Variants in RP1 observed in about 807,000 individuals in gnomAD.
RP1 encodes the protein RP1 axonemal microtubule associated.
Under a neutral mutation model 14.8 loss-of-function variants are expected in RP1, and 16 were observed. That is an observed-to-expected ratio of 1.08 (90% confidence interval 0.73 to 1.65). The LOEUF is 1.65. Ranked by LOEUF, RP1 falls within the 40% of genes most tolerant of loss-of-function variation. The pLI is 0.00. For synonymous variants in RP1, 876 were observed against 883.6 expected (o/e 0.99, Z 0.15); for missense variants, 2,631 against 2,535.0 (o/e 1.04, Z -0.81).
At chr8:54,606,769 C>T (rs939902914) in intron 1 of RP1, among the ~76,000 whole-genome samples, 1 of 152,120 alleles carries the variant, frequency 6.6e-6, no homozygotes, top group African/African-American at 2.4e-5. Flanking sequence ...CTCTAAACTT[C>T]TCTTCTCACT....
At chr8:54,647,175 AG>A (rs1459957465) in intron 3 of RP1, among the ~76,000 whole-genome samples, 2 of 152,050 alleles carry the variant, frequency 1.3e-5, no homozygotes, top group Non-Finnish European at 2.9e-5. Context: ...TAGCACTTTG[AG>A]GGGCCAAGGT....
chr8:54,859,419 G>A (rs1056839885), intron 27 of RP1, among the ~76,000 whole-genome samples: 1 of 151,234 alleles, frequency 6.6e-6, no homozygotes, highest in Non-Finnish European at 1.5e-5. Flanking sequence ...TCAGTGCAGG[G>A]TGGTGTCACT....
In RP1 at chr8:54,812,782, T is replaced by TATCTATC. The variant is rs1554535896; in HGVS notation, c.3616-24667_3616-24661dup. 6.6e-5 allele frequency among the ~76,000 whole-genome samples: 10 copies of TATCTATC among 150,566 alleles called. No individual in the cohort carries two copies. In the South Asian group the frequency reaches 1.0e-3, roughly 16 times the overall value. On this transcript the variant is annotated intron_variant, in intron 24 of 28. Transcript: ENST00000637698. The stretch of plus-strand genomic sequence containing the variant: ...TCTATCATCTATCTATCTATCTATC[T>TATCTATC]ATCTATCTATCTATCTATCTATCTA...
chr8:54,729,302 A>T (rs1808735800), intron 17 of RP1, among the ~76,000 whole-genome samples: 1 of 152,178 alleles, frequency 6.6e-6, no homozygotes, highest in Non-Finnish European at 1.5e-5. Flanking sequence ...CCAGTCCATC[A>T]TCTGTTTGTG....
chr8:54,783,865 G>A (rs1015714972), intron 24 of RP1, among the ~76,000 whole-genome samples: 1 of 152,034 alleles, frequency 6.6e-6, no homozygotes, highest in Non-Finnish European at 1.5e-5. Context: ...ATGGGAGCTG[G>A]GAAACAGTAA....
chr8:54,869,217 T>A (rs935775650), intron 28 of RP1, among the ~76,000 whole-genome samples: 1 of 152,182 alleles, frequency 6.6e-6, no homozygotes, highest in African/African-American at 2.4e-5. Flanking sequence ...ACTCTAGAAC[T>A]GTACTGTCTC....
chr8:54,672,191 T>A (rs1371890133), intron 7 of RP1, among the ~76,000 whole-genome samples: 1 of 152,232 alleles, frequency 6.6e-6, no homozygotes, highest in Non-Finnish European at 1.5e-5. Context: ...AGGGCTGGCC[T>A]CTGTCTTTTA....
At chr8:54,699,559 G>A (rs1366625568) in exon 13 of RP1, 10 of 1,382,496 alleles carry the variant, frequency 7.2e-6, no homozygotes, top group African/African-American at 1.4e-5. Context: ...CAATGGCATT[G>A]TCACTGGAAT....
At chr8:54,788,056 C>T (rs1810369514) in intron 24 of RP1, among the ~76,000 whole-genome samples, 1 of 152,160 alleles carries the variant, frequency 6.6e-6, no homozygotes, top group African/African-American at 2.4e-5. Flanking sequence ...TTTAGGCTGA[C>T]TCTTATGATC....
intron 19 of RP1, among the ~76,000 whole-genome samples, chr8:54,740,929 G>A (rs960496883): frequency 2.0e-5 from 3 of 149,888 alleles, no homozygotes; most frequent in Non-Finnish European, 3.0e-5. Context: ...CCAGCTAGTC[G>A]GGAGGCTGAG....
At chr8:54,660,208 A>G (rs1332810238) in intron 6 of RP1, among the ~76,000 whole-genome samples, 1 of 152,110 alleles carries the variant, frequency 6.6e-6, no homozygotes, top group African/African-American at 2.4e-5. Flanking sequence ...TAGAACTTTC[A>G]GTCATATGTT....
At chr8:54,590,428 G>A (rs1805020091) in intron 1 of RP1, among the ~76,000 whole-genome samples, 1 of 152,092 alleles carries the variant, frequency 6.6e-6, no homozygotes, top group South Asian at 2.1e-4. Flanking sequence ...TCTTGCACAA[G>A]CAGTGATTTA....
At chr8:54,831,602 T>C (rs1356796875) in intron 24 of RP1, among the ~76,000 whole-genome samples, 1 of 151,734 alleles carries the variant, frequency 6.6e-6, no homozygotes, top group African/African-American at 2.4e-5. Context: ...TCTACATATA[T>C]TACAAACCCC....
chr8:54,659,494 C>A (rs1253779047), intron 6 of RP1, among the ~76,000 whole-genome samples: 1 of 152,136 alleles, frequency 6.6e-6, no homozygotes, highest in Non-Finnish European at 1.5e-5. Flanking sequence ...AGACTGTCTT[C>A]CTCCTTGTGT....
chr8:54,709,734 T>G (rs1424516969), intron 15 of RP1, among the ~76,000 whole-genome samples: 1 of 152,176 alleles, frequency 6.6e-6, no homozygotes, highest in Non-Finnish European at 1.5e-5. Context: ...ACATGAGCCT[T>G]GTCCAGAGGG....
chr8:54,598,470 T>C (rs1563321671), intron 1 of RP1, among the ~76,000 whole-genome samples: 1 of 152,214 alleles, frequency 6.6e-6, no homozygotes, highest in Non-Finnish European at 1.5e-5. Context: ...CATAAGAAAA[T>C]ATTATACTTT....
At chr8:54,726,823 GA>G (rs923490742) in intron 17 of RP1, among the ~76,000 whole-genome samples, 9 of 146,512 alleles carry the variant, frequency 6.1e-5, no homozygotes, top group African/African-American at 2.4e-4. Context: ...TCTAAGCAAT[GA>G]AAAAAATAAT....
intron 17 of RP1, among the ~76,000 whole-genome samples, chr8:54,727,600 G>T (rs945029367): frequency 6.6e-6 from 1 of 151,940 alleles, no homozygotes; most frequent in Middle Eastern, 3.4e-3. Flanking sequence ...TTTTTACTGA[G>T]GCTGGCCAAG....
chr8:54,652,181 T>C (rs1279604465), intron 4 of RP1, among the ~76,000 whole-genome samples: 1 of 152,118 alleles, frequency 6.6e-6, no homozygotes, highest in African/African-American at 2.4e-5. Context: ...CTAATTTTTG[T>C]ATTTTTTGTA....
Sources: gnomAD v4.1 joint callset for allele counts (sites outside exome capture counted in the v4.1 genomes callset) on GRCh38, gnomAD v4.1.1 for gene constraint, MANE v1.5 for transcripts, NCBI Gene and HGNC (gene_info 2026-07-23, HGNC 2026-07-21) for gene names.